MDN1: variants seen among roughly 807,000 people sequenced by gnomAD.
The protein encoded by MDN1 is midasin AAA ATPase 1.
A neutral mutation model predicts 669.2 loss-of-function variants in MDN1; 266 were observed. The ratio of observed to expected loss-of-function variants is 0.40; its 90% CI spans 0.36 to 0.44. MDN1 has a LOEUF of 0.44. MDN1 is among the 20% of genes least tolerant of loss of function. The pLI is 1.00. For synonymous variants in MDN1, 2,385 were observed against 2,457.1 expected (o/e 0.97, Z 0.87); for missense variants, 5,940 against 6,754.0 (o/e 0.88, Z 4.22).
intron 87 of MDN1, among the ~76,000 whole-genome samples, chr6:89,661,842 G>A (rs959883343): frequency 6.6e-6 from 1 of 152,112 alleles, no homozygotes; most frequent in East Asian, 1.9e-4. Flanking sequence ...AATAAACAAG[G>A]GATCACAGGT....
rs1249189053 is a variant in MDN1 at position 89,793,335 on chromosome 6, C to T, written c.855+427G>A. Among the ~76,000 whole-genome samples the T allele has an allele frequency of 5.3e-5, 8 of 152,314 alleles. No individual in the cohort carries two copies. The East Asian group carries it at 1.5e-3, about 29-fold the overall frequency. On this transcript the variant is annotated intron_variant, in intron 5 of 101. Coordinates refer to ENST00000369393, the MANE Select transcript of MDN1 (RefSeq NM_014611.3). The stretch of plus-strand genomic sequence containing the variant: ...GCTACAGAACTTCACACAGTTTTTG[C>T]AGCAAGCAAACAAGAAGATATACGG...
At chr6:89,705,624 G>A (rs531269772) in intron 53 of MDN1, among the ~76,000 whole-genome samples, 3 of 152,180 alleles carry the variant, frequency 2.0e-5, no homozygotes, top group Non-Finnish European at 4.4e-5. Context: ...ACAATGCTGA[G>A]TGAAAGAATA....
At position 89,699,717 on chromosome 6, in the gene MDN1, T is replaced by G. The variant is rs533745497; in HGVS notation, c.8881A>C (p.Asn2961His). Residue 2961 changes from asparagine to histidine, a missense_variant, in exon 58 of 102, where the codon AAT (asparagine) becomes CAT (histidine). Physicochemically the swap from Asn to His is moderately conservative, Grantham distance 68. Coordinates refer to ENST00000369393, the MANE Select transcript of MDN1 (RefSeq NM_014611.3). Reference sequence around the variant, plus strand: ...TCCTCATTTATCTGGGGTTGTTGATTTTTGCTGCATCTGTTCCAAAAATAA... The same window carrying G: ...TCCTCATTTATCTGGGGTTGTTGATGTTTGCTGCATCTGTTCCAAAAATAA... ...AQACLRRCSKNQQPQINEEIS... is the reference protein window; with the variant it reads ...AQACLRRCSKHQQPQINEEIS... 2.8e-4 allele frequency: 448 copies of G among 1,613,798 alleles called. No individual in the cohort carries two copies. Among genetic ancestry groups the G allele is most frequent in the Non-Finnish European group, 3.6e-4 (426 of 1,179,936 alleles).
chr6:89,757,954 A>AAG (rs1353902778), intron 19 of MDN1, among the ~76,000 whole-genome samples: 1 of 152,188 alleles, frequency 6.6e-6, no homozygotes, highest in Non-Finnish European at 1.5e-5. Flanking sequence ...AGGCTGAGGC[A>AAG]GGAGAATCGC....
At chr6:89,750,294 T>C in intron 24 of MDN1, 60 bp downstream of exon 24, 1 of 1,480,114 alleles carries the variant, frequency 6.8e-7, no homozygotes, top group Non-Finnish European at 9.3e-7. Context: ...GAATATTACT[T>C]AAGGAAATGT....
intron 8 of MDN1, 141 bp from the exon 9 acceptor site, chr6:89,785,267 T>A (rs1192615180): frequency 1.6e-6 from 1 of 627,014 alleles, no homozygotes; most frequent in Non-Finnish European, 2.8e-6. Flanking sequence ...ACTACACTGT[T>A]GGGCTTACAG....
intron 23 of MDN1, 97 bp from the exon 24 acceptor site, chr6:89,750,629 G>C: frequency 8.4e-7 from 1 of 1,191,474 alleles, no homozygotes; most frequent in Non-Finnish European, 1.2e-6. Flanking sequence ...TTGACAAAGG[G>C]TTTCACTCTG....
Position 89,718,380 on chromosome 6 carries a change from G to A in MDN1, c.6569C>T (p.Ser2190Leu), listed in dbSNP as rs1239511365. Residue 2190 changes from serine (S) to leucine (L), a missense_variant, in exon 43 of 102, where the codon TCA becomes TTA. This residue lies in a region of MDN1 where 2,292 missense variants were observed against 2,638.3 expected (regional missense o/e 0.87). Transcript: ENST00000369393. ...AATATACATACCTGCCTTGCAGTATGAGTTGATTTTATTGTTGAGTCGCTG... is the reference window on the plus strand; with the variant it reads ...AATATACATACCTGCCTTGCAGTATAAGTTGATTTTATTGTTGAGTCGCTG... ...LMQRLNNKIN[S>L]YCKAEFAKLV... 2 of 1,613,684 alleles carry A rather than the reference G, an allele frequency of 1.2e-6. No individual in the cohort carries two copies. The highest frequency in any genetic ancestry group is 1.3e-5 in the African/African-American group (1 of 75,064).
chr6:89,815,428 G>A, intron 1 of MDN1: 1 of 357,716 alleles, frequency 2.8e-6, no homozygotes, highest in South Asian at 2.2e-5. Context: ...TGACCACCAA[G>A]GCTTCGTACC....
chr6:89,768,828 G>C (rs906703997), intron 15 of MDN1, among the ~76,000 whole-genome samples: 12 of 152,066 alleles, frequency 7.9e-5, no homozygotes, highest in African/African-American at 2.9e-4. Context: ...GGCCCAGGCG[G>C]GAAGATTCCT....
intron 50 of MDN1, among the ~76,000 whole-genome samples, chr6:89,709,922 G>C (rs772606303): frequency 6.6e-6 from 1 of 152,012 alleles, no homozygotes; most frequent in Non-Finnish European, 1.5e-5. Flanking sequence ...TCAGAGACAG[G>C]GTCTGGCTCT....
At chr6:89,774,256 T>C (rs766541602) in intron 13 of MDN1, among the ~76,000 whole-genome samples, 1 of 152,200 alleles carries the variant, frequency 6.6e-6, no homozygotes, top group Admixed American at 6.5e-5. Context: ...ATGTAATAAG[T>C]ATTTAATGTT....
chr6:89,801,379 G>A (rs1446696180), intron 2 of MDN1, among the ~76,000 whole-genome samples: 2 of 152,102 alleles, frequency 1.3e-5, no homozygotes, highest in African/African-American at 4.8e-5. Context: ...TAGGCCAGGC[G>A]CAGTGGCTTA....
chr6:89,734,897 T>C (rs1455467949), intron 33 of MDN1, among the ~76,000 whole-genome samples: 1 of 144,104 alleles, frequency 6.9e-6, no homozygotes, highest in African/African-American at 2.5e-5. Context: ...TGTTTCTTGG[T>C]TGTTTTTTTT....
chr6:89,693,538 G>A (rs1812521691), intron 62 of MDN1, among the ~76,000 whole-genome samples: 1 of 152,186 alleles, frequency 6.6e-6, no homozygotes, highest in Non-Finnish European at 1.5e-5. Flanking sequence ...TACAGGCTGA[G>A]CATCCCAAAT....
chr6:89,696,586 G>A lies in MDN1; in HGVS notation c.9169-12C>T, dbSNP rs558234511. ...AGATTGCCGGGGCCCTAAAGGACAA[G>A]AGAAGAGTCAATAACTTTTAGAAAT... is the stretch of plus-strand genomic sequence containing the variant. On this transcript the variant is annotated splice_polypyrimidine_tract_variant and intron_variant, in intron 59 of 101. Transcript: ENST00000369393. 6.3e-7 allele frequency: 1 copy of A among 1,596,534 alleles called. No individual in the cohort carries two copies. Among genetic ancestry groups the A allele is most frequent in the African/African-American group, 1.3e-5 (1 of 74,628 alleles).
chr6:89,666,142 C>T (rs1810202404), intron 84 of MDN1, among the ~76,000 whole-genome samples: 1 of 152,232 alleles, frequency 6.6e-6, no homozygotes, highest in Non-Finnish European at 1.5e-5. Context: ...GAACCTTTGA[C>T]TTTTTTCTAT....
At chr6:89,720,140 G>A (rs915182983) in intron 40 of MDN1, among the ~76,000 whole-genome samples, 1 of 152,100 alleles carries the variant, frequency 6.6e-6, no homozygotes, top group Non-Finnish European at 1.5e-5. Context: ...ATCATAATCA[G>A]TGTCAAACAT....
intron 15 of MDN1, among the ~76,000 whole-genome samples, chr6:89,766,223 C>T (rs541383570): frequency 6.6e-5 from 10 of 151,786 alleles, no homozygotes; most frequent in East Asian, 3.9e-4. Context: ...CGCTTGGGCC[C>T]GGGAGGCAGA....
Sources: allele counts gnomAD v4.1 joint callset (sites outside exome capture counted in the v4.1 genomes callset), GRCh38; gene constraint gnomAD v4.1.1; regional missense constraint gnomAD v4.1.1; transcripts MANE v1.5; gene names NCBI Gene and HGNC (gene_info 2026-07-23, HGNC 2026-07-21).